The following CPSF1 variants were observed in gnomAD, a reference collection of about 807,000 sequenced individuals.
The protein encoded by CPSF1 is cleavage and polyadenylation specificity factor subunit 1.
A neutral mutation model predicts 175.8 loss-of-function variants in CPSF1; 106 were observed. That is an observed-to-expected ratio of 0.60 (90% confidence interval 0.52 to 0.71). The LOEUF (loss-of-function observed/expected upper bound fraction) is 0.71. CPSF1 is among the 30% of genes least tolerant of loss of function. The pLI, the probability that CPSF1 is intolerant of heterozygous loss-of-function variation, is 0.00. For synonymous variants in CPSF1, 1,024 were observed against 858.3 expected, an observed-to-expected ratio of 1.19 and a Z score of -3.37; for missense variants, 1,734 against 2,022.9, an observed-to-expected ratio of 0.86 and a Z score of 2.74.
rs1310806767 is a variant in CPSF1, at chr8:144,406,806, A to G, written c.144+2209T>C. On this transcript the variant is annotated intron_variant, in intron 2 of 37. Transcript: ENST00000616140. ...GCCAATCTACGGTGGCCAGCATCCA[A>G]GGCAGCACAATGTCCTCTGCAGTGA... Among the ~76,000 whole-genome samples, 3 of 152,326 alleles carry G rather than the reference A, an allele frequency of 2.0e-5. No homozygotes were observed. In the East Asian group the frequency reaches 5.8e-4, roughly 29 times the overall value.
rs2116863959 is a variant in CPSF1 at position 144,399,557 on chromosome 8, G to A, written c.1242+31C>T. On this transcript the variant is annotated intron_variant, in intron 12 of 37. Coordinates refer to ENST00000616140, the MANE Select transcript of CPSF1 (RefSeq NM_013291.3). The surrounding 1 kb of genome is among the most constrained non-coding windows in gnomAD (Gnocchi z 6.4). The stretch of plus-strand genomic sequence containing the variant: ...ATGCCACAGCAGTGCCCACATGAAG[G>A]GTGGTGGCCCAATGGGCCCAGGAAA... The A allele has an allele frequency of 5.6e-6, 9 of 1,611,418 alleles. No individual in the cohort carries two copies. The highest frequency in any genetic ancestry group is 7.6e-6 in the Non-Finnish European group (9 of 1,179,172).
intron 26 of CPSF1, 68 bp downstream of exon 26, chr8:144,396,280 T>A: frequency 6.8e-7 from 1 of 1,476,940 alleles, no homozygotes; most frequent in Non-Finnish European, 9.2e-7. Flanking sequence ...CCTTCTCCTG[T>A]CCCCTCCCCC....
At chr8:144,400,881 G>A (rs2116879427) in intron 6 of CPSF1, 43 bp downstream of exon 6, 40 of 1,604,752 alleles carry the variant, frequency 2.5e-5, no homozygotes, top group African/African-American at 6.7e-5. Context: ...GGGCTCTGGC[G>A]CCTCCCACCC....
Position 144,394,698 on chromosome 8 carries a change from G to A in CPSF1, c.3513C>T (p.Pro1171=), listed in dbSNP as rs376026448. The part of the protein sequence containing the change: ...KVLYEKEQKG[P]VTALCHCNGH... ...CATTGCAGTGGCACAGGGCGGTCAC[G>A]GGCCCCTTCTGCTCCTTCTCGTAAA... Residue 1171 remains proline, a synonymous_variant, in exon 31 of 38, where the codon CCC becomes CCT. Coordinates refer to ENST00000616140, the MANE Select transcript of CPSF1 (RefSeq NM_013291.3). 1.9e-4 allele frequency: 302 copies of A among 1,612,688 alleles called. No homozygotes were observed. Among genetic ancestry groups the A allele is most frequent in the Non-Finnish European group, 2.3e-4 (266 of 1,179,726 alleles).
At chr8:144,408,351 G>C (rs1436494950) in intron 2 of CPSF1, among the ~76,000 whole-genome samples, 1 of 152,150 alleles carries the variant, frequency 6.6e-6, no homozygotes, top group African/African-American at 2.4e-5. Context: ...CTCCCTTCAA[G>C]AGCAATGGAG....
rs1554863141 is a variant in CPSF1, at chr8:144,395,027, T to C, written c.3273-4A>G. The C allele has an allele frequency of 6.2e-7, 1 of 1,607,532 alleles. No homozygotes were observed. Among genetic ancestry groups the C allele is most frequent in the Non-Finnish European group, 8.5e-7 (1 of 1,176,116 alleles). On this transcript the variant is annotated splice_polypyrimidine_tract_variant and splice_region_variant and intron_variant, in intron 29 of 37. Transcript: ENST00000616140. The stretch of plus-strand genomic sequence containing the variant: ...CTCCCACTCCTGCAGCTCGATCCTG[T>C]GGGGGCCAGGGGCCTCAGGATGCTG...
At chr8:144,401,723 A>C in intron 2 of CPSF1, 50 bp from the exon 3 acceptor site, 11 of 1,561,442 alleles carry the variant, frequency 7.0e-6, no homozygotes, top group South Asian at 1.2e-5. Flanking sequence ...CTGGCAGCTC[A>C]CCTCATCCGG....
rs2116849963 is a variant in CPSF1, at chr8:144,398,452, G to A, written c.1753-9C>T. The A allele has an allele frequency of 2.1e-5, 34 of 1,613,560 alleles. No individual in the cohort carries two copies. The highest frequency in any genetic ancestry group is 5.3e-5 in the African/African-American group (4 of 74,940). ...TGCCCCGTCTGCAGGATCTGCGGGCGACAGCTGTGAGGGAGGCGCCCCCCG... is the reference window on the plus strand; with the variant it reads ...TGCCCCGTCTGCAGGATCTGCGGGCAACAGCTGTGAGGGAGGCGCCCCCCG... On this transcript the variant is annotated splice_polypyrimidine_tract_variant and intron_variant, in intron 18 of 37. Coordinates refer to ENST00000616140, the MANE Select transcript of CPSF1 (RefSeq NM_013291.3).
intron 2 of CPSF1, among the ~76,000 whole-genome samples, chr8:144,404,471 T>C (rs1333264015): frequency 6.6e-6 from 1 of 151,406 alleles, no homozygotes; most frequent in Non-Finnish European, 1.5e-5. Context: ...GTTCAAGCCA[T>C]TCTCCTGCCT....
chr8:144,408,845 A>G (rs1379542700), intron 2 of CPSF1, among the ~76,000 whole-genome samples, 170 bp downstream of exon 2: 2 of 152,216 alleles, frequency 1.3e-5, no homozygotes, highest in Non-Finnish European at 2.9e-5. Context: ...AGCAGCTGTG[A>G]GAAAGGATCT....
In CPSF1 at chr8:144,393,989, G is replaced by A. The variant is rs143985093; in HGVS notation, c.3909C>T (p.His1303=). 5.2e-4 allele frequency: 832 copies of A among 1,613,428 alleles called. 5 individuals are homozygous for A. Among genetic ancestry groups the A allele is most frequent in the South Asian group, 4.1e-3 (374 of 91,060 alleles). Residue 1303 remains histidine, a synonymous_variant, in exon 35 of 38, where the codon CAC becomes CAT. Transcript: ENST00000616140. ...AGAACGTGTTCACGTGGGCACCCACGTGGAAGTCTGCCCGACGCAGCAGGC... is the reference window on the plus strand; with the variant it reads ...AGAACGTGTTCACGTGGGCACCCACATGGAAGTCTGCCCGACGCAGCAGGC... ...GMRLLRRADF[H]VGAHVNTFWR...
In CPSF1 at chr8:144,400,652, GCCT is replaced by G; in HGVS notation, c.686+16_686+18del. ...GCTAGGGGGCCCACAGTGCAGAGGG[GCCT>G]CCTTAGGGGGCTCACCCAGGCCAGG... is the stretch of plus-strand genomic sequence containing the variant. On this transcript the variant is annotated intron_variant, in intron 7 of 37. Coordinates refer to ENST00000616140, the MANE Select transcript of CPSF1 (RefSeq NM_013291.3). 1 of 1,600,702 alleles carries G rather than the reference GCCT, an allele frequency of 6.2e-7. No homozygotes were observed. The highest frequency in any genetic ancestry group is 1.1e-5 in the South Asian group (1 of 89,696).
intron 2 of CPSF1, among the ~76,000 whole-genome samples, chr8:144,405,506 C>T (rs1821449116): frequency 6.6e-6 from 1 of 152,104 alleles, no homozygotes; most frequent in Non-Finnish European, 1.5e-5. Flanking sequence ...CGCCTGTAAT[C>T]CCAGCTACTC....
At chr8:144,395,737 C>T in intron 26 of CPSF1, 186 bp from the exon 27 acceptor site, 1 of 608,532 alleles carries the variant, frequency 1.6e-6, no homozygotes, top group South Asian at 2.0e-5. Flanking sequence ...CTCCTCCTGT[C>T]CATTTTCCCA....
intron 31 of CPSF1, 27 bp downstream of exon 31, chr8:144,394,617 G>C (rs782330005): frequency 1.2e-6 from 2 of 1,601,814 alleles, no homozygotes; most frequent in Non-Finnish European, 1.7e-6. Context: ...TGAGCCGGGG[G>C]ACACACGCCG....
intron 2 of CPSF1, among the ~76,000 whole-genome samples, chr8:144,406,992 T>G (rs983021161): frequency 3.3e-5 from 5 of 152,002 alleles, no homozygotes; most frequent in African/African-American, 1.2e-4. Context: ...CTCGGCTCAC[T>G]GCAACCTCCG....
chr8:144,405,594 A>C (rs1821456256), intron 2 of CPSF1, among the ~76,000 whole-genome samples: 2 of 152,048 alleles, frequency 1.3e-5, no homozygotes, highest in Admixed American at 1.3e-4. Flanking sequence ...GTTGCACTCT[A>C]TCCTGGGTGA....
At chr8:144,408,179 C>T (rs2116910464) in intron 2 of CPSF1, among the ~76,000 whole-genome samples, 1 of 152,202 alleles carries the variant, frequency 6.6e-6, no homozygotes, top group South Asian at 2.1e-4. Flanking sequence ...TAGTCCTGAC[C>T]ACGGCCTACC....
chr8:144,394,212 C>T, intron 33 of CPSF1, 22 bp downstream of exon 33: 1 of 1,610,544 alleles, frequency 6.2e-7, no homozygotes, highest in Non-Finnish European at 8.5e-7. Context: ...AGCCTCAGCT[C>T]CCCAGGGCCC....
Sources: gnomAD v4.1 joint callset for allele counts (sites outside exome capture counted in the v4.1 genomes callset) on GRCh38, gnomAD v4.1.1 for gene constraint, Gnocchi (gnomAD v3.1) non-coding constraint, MANE v1.5 for transcripts, NCBI Gene and HGNC (gene_info 2026-07-23, HGNC 2026-07-21) for gene names.